Variants in INSYN2B observed in about 807,000 individuals in gnomAD.
INSYN2B encodes inhibitory synaptic factor family member 2B.
Under a neutral mutation model 41.2 loss-of-function variants are expected in INSYN2B, and 16 were observed. The observed-to-expected ratio is 0.39, with a 90% CI of 0.26 to 0.59. INSYN2B has a LOEUF of 0.59. INSYN2B is among the 20% of genes least tolerant of loss of function. The pLI is 0.57. For synonymous variants in INSYN2B, 245 were observed against 244.4 expected, an observed-to-expected ratio of 1.00 and a Z score of -0.02; for missense variants, 608 against 646.4, an observed-to-expected ratio of 0.94 and a Z score of 0.64.
At chr5:169,947,202 C>T (rs1026841633) in intron 1 of INSYN2B, among the ~76,000 whole-genome samples, 13 of 152,340 alleles carry the variant, frequency 8.5e-5, no homozygotes, top group East Asian at 1.9e-4. Flanking sequence ...CTCAAGCAGT[C>T]TGATAGGGGA....
rs1431325684 is a variant in INSYN2B at position 169,887,333 on chromosome 5, G to T, written c.-918-2517C>A. ...CTTATAAAGATATTATTTGTTCATT[G>T]TAAAAATTCAAATAATACAAATAAA... On this transcript the variant is annotated intron_variant, in intron 1 of 3. Coordinates refer to ENST00000377365, the MANE Select transcript of INSYN2B (RefSeq NM_001129891.3). Among the ~76,000 whole-genome samples the T allele has an allele frequency of 2.0e-5, 3 of 151,998 alleles. No homozygotes were observed. In the East Asian group the frequency reaches 5.8e-4, roughly 29 times the overall value.
chr5:169,902,975 G>A (rs1298273711), intron 1 of INSYN2B, among the ~76,000 whole-genome samples: 7 of 152,140 alleles, frequency 4.6e-5, no homozygotes, highest in Non-Finnish European at 8.8e-5. Context: ...GCACATGCCT[G>A]TAGTCCCAGC....
chr5:169,935,189 C>T (rs936537061), intron 1 of INSYN2B, among the ~76,000 whole-genome samples: 9 of 152,202 alleles, frequency 5.9e-5, no homozygotes, highest in African/African-American at 1.9e-4. Context: ...AGACAGTCTG[C>T]AGAGCAGCAT....
At chr5:169,900,512 T>G (rs1773863469) in intron 1 of INSYN2B, among the ~76,000 whole-genome samples, 1 of 152,188 alleles carries the variant, frequency 6.6e-6, no homozygotes, top group South Asian at 2.1e-4. Context: ...AAACAGATCT[T>G]CTGGAGTGAT....
intron 1 of INSYN2B, among the ~76,000 whole-genome samples, chr5:169,948,055 G>C (rs1776515563): frequency 6.6e-6 from 1 of 152,080 alleles, no homozygotes; most frequent in South Asian, 2.1e-4. Context: ...GACCCAGAGA[G>C]CTCATCTTGT....
chr5:169,936,809 T>C (rs527626517), intron 1 of INSYN2B, among the ~76,000 whole-genome samples: 1 of 152,268 alleles, frequency 6.6e-6, no homozygotes, highest in African/African-American at 2.4e-5. Flanking sequence ...ACTTAGTAAA[T>C]TAGCTAAATT....
At chr5:169,934,743 G>A in intron 1 of INSYN2B, 1 of 456,022 alleles carries the variant, frequency 2.2e-6, no homozygotes, top group Non-Finnish European at 4.4e-6. Flanking sequence ...GCTGCTCACG[G>A]GATCAGTGCT....
rs971966353 is a variant in INSYN2B, at chr5:169,861,928, C to A, written c.*2345G>T. Reference sequence around the variant, plus strand: ...AACATTTTATTTATTTTTTTCTTTTCTTTTCTTTTCTTTTTTTTTTGTTGG... The same window carrying A: ...AACATTTTATTTATTTTTTTCTTTTATTTTCTTTTCTTTTTTTTTTGTTGG... On this transcript the variant is annotated 3_prime_UTR_variant, in exon 4 of 4. Coordinates refer to ENST00000377365, the MANE Select transcript of INSYN2B (RefSeq NM_001129891.3). Among the ~76,000 whole-genome samples, 2 of 130,640 alleles carry A rather than the reference C, an allele frequency of 1.5e-5. No individual in the cohort carries two copies. Among genetic ancestry groups the A allele is most frequent in the African/African-American group, 2.5e-5 (1 of 39,264 alleles). The allele number at this position is 130,640 out of a possible 152,430, so 85.7% of individuals were successfully genotyped here.
rs148171706 is a variant in INSYN2B at position 169,930,288 on chromosome 5, C to G, written c.-918-45472G>C. On this transcript the variant is annotated intron_variant, in intron 1 of 3. Transcript: ENST00000377365. ...TACAGGCTTGAGCCACCGCACCTGG[C>G]CTAATTTAAATTTAAATAACCACAT... 5.0e-3 allele frequency among the ~76,000 whole-genome samples: 760 copies of G among 152,258 alleles called. 14 individuals carry two copies. The highest frequency in any genetic ancestry group is 0.033 in the Admixed American group (501 of 15,292).
At chr5:169,872,786 G>C (rs975577752) in intron 3 of INSYN2B, among the ~76,000 whole-genome samples, 2 of 152,218 alleles carry the variant, frequency 1.3e-5, no homozygotes. Context: ...GTAGGACCTA[G>C]TTTTGAGCCC....
intron 1 of INSYN2B, among the ~76,000 whole-genome samples, chr5:169,889,078 C>A (rs1420894780): frequency 3.3e-5 from 5 of 152,166 alleles, no homozygotes; most frequent in Non-Finnish European, 7.3e-5. Context: ...TGAGTCCTTA[C>A]CCCTCCGCTT....
rs1314693601 is a variant in INSYN2B at position 169,962,144 on chromosome 5, A to T, written c.-919+18133T>A. On this transcript the variant is annotated intron_variant, in intron 1 of 3. Transcript: ENST00000377365. Reference sequence around the variant, plus strand: ...GTGGCTAAGTAGAGATGTGAGTAATAGGACTGGGTTTTTAAAAAGTCTACT... The same window carrying T: ...GTGGCTAAGTAGAGATGTGAGTAATTGGACTGGGTTTTTAAAAAGTCTACT... 3.3e-5 allele frequency among the ~76,000 whole-genome samples: 5 copies of T among 152,006 alleles called. No individual in the cohort carries two copies. In the East Asian group the frequency reaches 9.6e-4, roughly 29 times the overall value.
chr5:169,929,827 C>A (rs2546507), intron 1 of INSYN2B, among the ~76,000 whole-genome samples: 96,834 of 151,208 alleles, frequency 0.64, 32,563 homozygotes, highest in African/African-American at 0.87. Context: ...TTCCTATAGA[C>A]CCTTATATGA....
At chr5:169,921,049 A>G (rs144159318) in intron 1 of INSYN2B, among the ~76,000 whole-genome samples, 1,564 of 152,304 alleles carry the variant, frequency 0.01, 31 homozygotes, top group African/African-American at 0.036. Context: ...GTTATTTTCC[A>G]ATTCCTTCTG....
At chr5:169,879,339 G>A (rs990097240) in intron 3 of INSYN2B, among the ~76,000 whole-genome samples, 3 of 152,060 alleles carry the variant, frequency 2.0e-5, no homozygotes, top group South Asian at 4.1e-4. Flanking sequence ...AGAACACAAC[G>A]CAAGTTTGAA....
intron 1 of INSYN2B, among the ~76,000 whole-genome samples, chr5:169,935,100 C>G (rs1276392841): frequency 6.6e-6 from 1 of 152,198 alleles, no homozygotes; most frequent in Admixed American, 6.5e-5. Flanking sequence ...GCAGTGAAGA[C>G]AGCGTGGCAA....
In INSYN2B at chr5:169,864,319, C is replaced by G. The variant is rs750813912; in HGVS notation, c.1562G>C (p.Arg521Thr). The change falls in exon 4 of 4, where the codon AGG becomes ACG. Residue 521 changes from arginine to threonine, a missense_variant. Coordinates refer to ENST00000377365, the MANE Select transcript of INSYN2B (RefSeq NM_001129891.3). ...EPPAPEKQDL[R>T]RKTKKVKKKC... Reference sequence around the variant, plus strand: ...CTTTTTCACCTTCTTGGTTTTCCGCCTTAAGTCCTGCTTTTCCGGGGCTGG... The same window carrying G: ...CTTTTTCACCTTCTTGGTTTTCCGCGTTAAGTCCTGCTTTTCCGGGGCTGG... The G allele has an allele frequency of 6.4e-7, 1 of 1,551,632 alleles. No homozygotes were observed.
At chr5:169,877,090 C>T (rs1229335615) in intron 3 of INSYN2B, among the ~76,000 whole-genome samples, 1 of 152,156 alleles carries the variant, frequency 6.6e-6, no homozygotes, top group Non-Finnish European at 1.5e-5. Context: ...GACATTTAAG[C>T]TGCAAGACTA....
intron 1 of INSYN2B, among the ~76,000 whole-genome samples, chr5:169,939,552 TTGTG>T (rs1265826093): frequency 6.6e-6 from 1 of 152,154 alleles, no homozygotes; most frequent in Non-Finnish European, 1.5e-5. Context: ...CTGTATGTAA[TTGTG>T]TGTGCTGTAC....
Sources: gnomAD v4.1 joint callset for allele counts (sites outside exome capture counted in the v4.1 genomes callset) on GRCh38, gnomAD v4.1.1 for gene constraint, MANE v1.5 for transcripts, NCBI Gene and HGNC (gene_info 2026-07-23, HGNC 2026-07-21) for gene names.